The following HRH1 variants were observed in gnomAD, a reference collection of about 807,000 sequenced individuals.
The protein encoded by HRH1 is histamine receptor H1, also known as histamine H1 receptor.
A neutral mutation model predicts 10.3 loss-of-function variants in HRH1; 6 were observed. That is an observed-to-expected ratio of 0.58 (90% CI 0.32 to 1.15). The LOEUF is 1.15. HRH1 is among the 50% of genes most tolerant of loss of function. The probability of loss-of-function intolerance (pLI) is 0.05; values close to 1 mark genes in which losing one functional copy is unlikely to be tolerated. For synonymous variants in HRH1, 242 were observed against 236.7 expected, an observed-to-expected ratio of 1.02 and a Z score of -0.21; for missense variants, 514 against 615.3, an observed-to-expected ratio of 0.84 and a Z score of 1.74.
intron 1 of HRH1, among the ~76,000 whole-genome samples, chr3:11,190,363 ATAT>A (rs1183958974): frequency 1.4e-5 from 2 of 142,148 alleles, no homozygotes; most frequent in African/African-American, 5.8e-5. Flanking sequence ...ATATATATAT[ATAT>A]TTTTTAATTA....
At chr3:11,185,912 T>C (rs995999045) in intron 1 of HRH1, among the ~76,000 whole-genome samples, 1 of 152,310 alleles carries the variant, frequency 6.6e-6, no homozygotes, top group Non-Finnish European at 1.5e-5. Context: ...CTGGGGTAGA[T>C]GGCAGTTCCA....
chr3:11,145,905 T>C (rs1162923139), intron 1 of HRH1, among the ~76,000 whole-genome samples: 3 of 152,230 alleles, frequency 2.0e-5, no homozygotes, highest in South Asian at 2.1e-4. Context: ...TAGGCAGTAA[T>C]AGTTCATCTA....
chr3:11,153,037 G>T (rs1559253529), upstream of HRH1, among the ~76,000 whole-genome samples: 1 of 152,038 alleles, frequency 6.6e-6, no homozygotes, highest in Non-Finnish European at 1.5e-5. Context: ...ACCATTTATG[G>T]AGCACTAAGC....
intron 1 of HRH1, among the ~76,000 whole-genome samples, chr3:11,196,154 A>T (rs1358872918): frequency 6.6e-6 from 1 of 152,140 alleles, no homozygotes; most frequent in Non-Finnish European, 1.5e-5. Flanking sequence ...CTTAGGCTGG[A>T]GGCAGAACTC....
At chr3:11,224,125 T>C (rs1197646320) in intron 1 of HRH1, among the ~76,000 whole-genome samples, 1 of 152,176 alleles carries the variant, frequency 6.6e-6, no homozygotes, top group Non-Finnish European at 1.5e-5. Flanking sequence ...CCATCTCATT[T>C]CACTCTTTCT....
At chr3:11,255,988 C>A (rs1359726041) in intron 1 of HRH1, among the ~76,000 whole-genome samples, 2 of 152,120 alleles carry the variant, frequency 1.3e-5, no homozygotes, top group African/African-American at 4.8e-5. Flanking sequence ...TGGACTTGAT[C>A]AGGGCAGAAG....
At chr3:11,214,144 A>G (rs888756637) in intron 1 of HRH1, among the ~76,000 whole-genome samples, 5 of 152,178 alleles carry the variant, frequency 3.3e-5, no homozygotes, top group Non-Finnish European at 5.9e-5. Flanking sequence ...GGCTGCAAAC[A>G]GGAGGGGGAG....
rs536641056 is a variant in HRH1, at chr3:11,197,857, G to C, written c.-36+43303G>C. On this transcript the variant is annotated intron_variant, in intron 1 of 1. Transcript: ENST00000431010. ...CATTAACTCTTGGGAACTGAGGAAA[G>C]ACCACATTTGGCAGGTCTGTGATTG... is the stretch of plus-strand genomic sequence containing the variant. 5.3e-4 allele frequency among the ~76,000 whole-genome samples: 81 copies of C among 152,318 alleles called. 1 individual carries two copies. The South Asian group carries it at 0.016, about 31-fold the overall frequency.
chr3:11,155,836 G>A (rs1336701318), intron 1 of HRH1, among the ~76,000 whole-genome samples: 1 of 152,024 alleles, frequency 6.6e-6, no homozygotes, highest in Non-Finnish European at 1.5e-5. Context: ...AGAGAGGGAG[G>A]GTGTACACAT....
intron 1 of HRH1, among the ~76,000 whole-genome samples, chr3:11,142,690 A>C (rs1418127913): frequency 6.6e-6 from 1 of 152,154 alleles, no homozygotes; most frequent in African/African-American, 2.4e-5. Flanking sequence ...CAAGACAGGC[A>C]GATCACGAGG....
chr3:11,165,203 A>T (rs768581033), intron 1 of HRH1, among the ~76,000 whole-genome samples: 1 of 152,200 alleles, frequency 6.6e-6, no homozygotes, highest in Non-Finnish European at 1.5e-5. Context: ...TGTGCTGCAA[A>T]GCCCCTCAAG....
chr3:11,140,534 C>T, intron 1 of HRH1, among the ~76,000 whole-genome samples: 1 of 152,120 alleles, frequency 6.6e-6, no homozygotes, highest in East Asian at 1.9e-4. Flanking sequence ...ACTCTGTTTC[C>T]TCTCAAACCC....
chr3:11,151,062 G>A (rs564083562), upstream of HRH1, among the ~76,000 whole-genome samples: 1 of 152,328 alleles, frequency 6.6e-6, no homozygotes, highest in South Asian at 2.1e-4. Flanking sequence ...CCTACAGCGG[G>A]CTGACTCTAC....
intron 1 of HRH1, among the ~76,000 whole-genome samples, chr3:11,143,546 T>C (rs974876942): frequency 6.6e-6 from 1 of 152,210 alleles, no homozygotes; most frequent in African/African-American, 2.4e-5. Flanking sequence ...TCCCTGGAAC[T>C]TCCAGATGCC....
At chr3:11,258,146 T>C (rs1420133960) in intron 1 of HRH1, among the ~76,000 whole-genome samples, 1 of 151,792 alleles carries the variant, frequency 6.6e-6, no homozygotes, top group Non-Finnish European at 1.5e-5. Flanking sequence ...TATTTCATGC[T>C]TTATGTGCCT....
chr3:11,218,803 T>C (rs1430889289), intron 1 of HRH1, among the ~76,000 whole-genome samples: 3 of 152,226 alleles, frequency 2.0e-5, no homozygotes, highest in Non-Finnish European at 4.4e-5. Flanking sequence ...CTCAAACTCC[T>C]GACCTCAGGT....
chr3:11,258,242 C>CAAA (rs33992856), intron 1 of HRH1, among the ~76,000 whole-genome samples: 49 of 76,316 alleles, frequency 6.4e-4, no homozygotes, highest in African/African-American at 1.2e-3. Context: ...TGATGTAAGC[C>CAAA]AAAAAAAAAA....
intron 1 of HRH1, among the ~76,000 whole-genome samples, chr3:11,200,520 A>G (rs113661307): frequency 2.0e-5 from 3 of 152,198 alleles, no homozygotes; most frequent in African/African-American, 7.2e-5. Flanking sequence ...AGGCCAGGCC[A>G]GGAAATCATT....
intron 1 of HRH1, among the ~76,000 whole-genome samples, chr3:11,165,084 A>C (rs991667801): frequency 2.6e-5 from 4 of 152,256 alleles, no homozygotes; most frequent in African/African-American, 9.6e-5. Context: ...TGACATTCTC[A>C]TACGAGAAAG....
Sources: gnomAD v4.1 joint callset for allele counts (sites outside exome capture counted in the v4.1 genomes callset) on GRCh38, gnomAD v4.1.1 for gene constraint, MANE v1.5 for transcripts, NCBI Gene and HGNC (gene_info 2026-07-23, HGNC 2026-07-21) for gene names.